Variants in B3GALT1 observed in about 807,000 individuals in gnomAD.
The protein encoded by B3GALT1 is beta-1,3-galactosyltransferase 1.
Under a neutral mutation model 23.2 loss-of-function variants are expected in B3GALT1, and 10 were observed. The ratio of observed to expected loss-of-function variants is 0.43; its 90% CI spans 0.27 to 0.73. The LOEUF (loss-of-function observed/expected upper bound fraction) is 0.73, where lower values mean the gene tolerates loss of function less well. Ranked by LOEUF, B3GALT1 falls within the 30% of genes least tolerant of loss-of-function variation. The pLI is 0.21. For missense variants in B3GALT1, 299 were observed against 405.4 expected (o/e 0.74, Z 2.25); for synonymous variants, 156 against 141.5 (o/e 1.10, Z -0.73).
Position 167,735,039 on chromosome 2 carries a change from A to G in B3GALT1, c.-351-83633A>G, listed in dbSNP as rs142217586. On this transcript the variant is annotated intron_variant, in intron 3 of 4. Transcript: ENST00000392690. ...AGTAACTGGATTTGCACATGGTTTTATATTTTAAACAATCACTCCAACAAT... is the reference window on the plus strand; with the variant it reads ...AGTAACTGGATTTGCACATGGTTTTGTATTTTAAACAATCACTCCAACAAT... 2.7e-3 allele frequency among the ~76,000 whole-genome samples: 409 copies of G among 152,272 alleles called. 4 individuals are homozygous for G. Among genetic ancestry groups the G allele is most frequent in the African/African-American group, 9.4e-3 (392 of 41,546 alleles).
At chr2:167,507,789 T>C (rs1391207385) in intron 2 of B3GALT1, among the ~76,000 whole-genome samples, 1 of 152,176 alleles carries the variant, frequency 6.6e-6, no homozygotes, top group Non-Finnish European at 1.5e-5. Context: ...CAAACCATAA[T>C]TGTCTTAACA....
chr2:167,631,018 AAG>A (rs1685430640), intron 2 of B3GALT1, among the ~76,000 whole-genome samples: 1 of 126,604 alleles, frequency 7.9e-6, no homozygotes, highest in African/African-American at 3.0e-5. Context: ...GGGTAAAAAA[AAG>A]GGGGGGGAAT....
intron 2 of B3GALT1, among the ~76,000 whole-genome samples, chr2:167,640,995 C>T (rs1424115541): frequency 6.6e-6 from 1 of 152,104 alleles, no homozygotes; most frequent in Non-Finnish European, 1.5e-5. Context: ...CTATTCAAAG[C>T]CTACCTATCT....
At chr2:167,562,818 C>T (rs1435295586) in intron 2 of B3GALT1, among the ~76,000 whole-genome samples, 1 of 151,902 alleles carries the variant, frequency 6.6e-6, no homozygotes, top group African/African-American at 2.4e-5. Flanking sequence ...GTTTGTGTCC[C>T]TGGGTACTTG....
intron 1 of B3GALT1, among the ~76,000 whole-genome samples, chr2:167,343,232 G>A (rs529135524): frequency 1.3e-5 from 2 of 152,220 alleles, no homozygotes; most frequent in East Asian, 3.9e-4. Context: ...TAGATAAGTT[G>A]GGGTCTGTTA....
At chr2:167,432,942 A>G (rs1263482074) in intron 1 of B3GALT1, among the ~76,000 whole-genome samples, 1 of 152,054 alleles carries the variant, frequency 6.6e-6, no homozygotes, top group Admixed American at 6.5e-5. Context: ...ATATCACCCA[A>G]ATTCTGTGGT....
intron 3 of B3GALT1, among the ~76,000 whole-genome samples, chr2:167,648,963 C>G (rs1685805849): frequency 6.6e-6 from 1 of 152,096 alleles, no homozygotes; most frequent in Non-Finnish European, 1.5e-5. Flanking sequence ...TGCCTGCCTC[C>G]ACGACAGGCA....
chr2:167,427,309 AT>A (rs1698638046), intron 1 of B3GALT1, among the ~76,000 whole-genome samples: 1 of 152,034 alleles, frequency 6.6e-6, no homozygotes, highest in Admixed American at 6.6e-5. Flanking sequence ...GTGAAGTTCT[AT>A]TTTTTGGCTT....
chr2:167,460,574 T>C (rs757140191), intron 1 of B3GALT1, among the ~76,000 whole-genome samples: 1 of 152,172 alleles, frequency 6.6e-6, no homozygotes, highest in Non-Finnish European at 1.5e-5. Context: ...TTTAAAGTCT[T>C]TGTCTAATAG....
At chr2:167,797,915 A>T (rs1230945841) in intron 3 of B3GALT1, among the ~76,000 whole-genome samples, 1 of 152,158 alleles carries the variant, frequency 6.6e-6, no homozygotes, top group Non-Finnish European at 1.5e-5. Flanking sequence ...CACGTTAGCC[A>T]GGATGGTCTC....
intron 3 of B3GALT1, chr2:167,714,256 C>T (rs942226245): frequency 1.7e-5 from 25 of 1,501,844 alleles, no homozygotes; most frequent in Middle Eastern, 1.7e-4. Flanking sequence ...GAAACATCAT[C>T]CTACGGTCCT....
At chr2:167,296,223 TAAG>T (rs1366821916) in intron 1 of B3GALT1, among the ~76,000 whole-genome samples, 1 of 152,224 alleles carries the variant, frequency 6.6e-6, no homozygotes, top group Non-Finnish European at 1.5e-5. Context: ...ATAACTTTTC[TAAG>T]AAGATCACAT....
At chr2:167,455,879 G>A (rs1699162472) in intron 1 of B3GALT1, among the ~76,000 whole-genome samples, 1 of 152,066 alleles carries the variant, frequency 6.6e-6, no homozygotes, top group African/African-American at 2.4e-5. Flanking sequence ...ACATCGAATT[G>A]TAGAGTACAG....
intron 3 of B3GALT1, among the ~76,000 whole-genome samples, chr2:167,816,740 A>G (rs1307445723): frequency 6.6e-6 from 1 of 152,332 alleles, no homozygotes; most frequent in African/African-American, 2.4e-5. Context: ...TATTTTTCCA[A>G]TGTCAACATT....
chr2:167,447,453 T>G (rs1699017990), intron 1 of B3GALT1, among the ~76,000 whole-genome samples: 1 of 152,212 alleles, frequency 6.6e-6, no homozygotes, highest in South Asian at 2.1e-4. Context: ...ATGCCCTGTC[T>G]GCAGAGGTGG....
At chr2:167,492,382 G>T (rs1277153379) in intron 2 of B3GALT1, among the ~76,000 whole-genome samples, 1 of 151,398 alleles carries the variant, frequency 6.6e-6, no homozygotes, top group Non-Finnish European at 1.5e-5. Flanking sequence ...TTTACCTAAT[G>T]AAGAATATCT....
At chr2:167,627,513 T>C (rs78010069) in intron 2 of B3GALT1, among the ~76,000 whole-genome samples, 1,532 of 151,878 alleles carry the variant, frequency 0.01, 27 homozygotes, top group African/African-American at 0.034. Context: ...GTTTATTCCT[T>C]TTTATTGCTA....
At chr2:167,622,397 C>G (rs891986828) in intron 2 of B3GALT1, among the ~76,000 whole-genome samples, 1 of 152,042 alleles carries the variant, frequency 6.6e-6, no homozygotes, top group Non-Finnish European at 1.5e-5. Context: ...AGCCATCTTG[C>G]AGCTATAGCA....
At chr2:167,845,043 A>G (rs1190648672) in intron 4 of B3GALT1, among the ~76,000 whole-genome samples, 1 of 152,070 alleles carries the variant, frequency 6.6e-6, no homozygotes, top group Non-Finnish European at 1.5e-5. Flanking sequence ...GACAACTCCA[A>G]TGACCTGGGA....
Sources: gnomAD v4.1 joint callset for allele counts (sites outside exome capture counted in the v4.1 genomes callset) on GRCh38, gnomAD v4.1.1 for gene constraint, MANE v1.5 for transcripts, NCBI Gene and HGNC (gene_info 2026-07-23, HGNC 2026-07-21) for gene names.